The following TTLL6 variants were observed in gnomAD, a reference collection of about 807,000 sequenced individuals.
The protein encoded by TTLL6 is tubulin polyglutamylase TTLL6.
In TTLL6, 75 loss-of-function variants were observed where a neutral mutation model predicts 96.4. The observed-to-expected ratio is 0.78, with a 90% CI of 0.65 to 0.94. TTLL6 has a LOEUF of 0.94. TTLL6 is among the 40% of genes least tolerant of loss of function. The pLI is 0.00. For synonymous variants in TTLL6, 411 were observed against 419.4 expected (o/e 0.98, Z 0.24); for missense variants, 1,030 against 1,093.0 (o/e 0.94, Z 0.81).
chr17:48,788,062 A>G, intron 10 of TTLL6, 63 bp from the exon 11 acceptor site: 1 of 1,536,912 alleles, frequency 6.5e-7, no homozygotes, highest in Non-Finnish European at 8.9e-7. Context: ...TGGAAGGGAT[A>G]TGTCCAAGCT....
rs891724379 is a variant in TTLL6, at chr17:48,768,751, A to G, written c.*238T>C. ...AGATGGGGTCTCCCTTATGTTGCCC[A>G]GGCTGGTCTCAAACTCCTGGGCACA... On this transcript the variant is annotated intron_variant, in intron 15 of 15. Coordinates refer to ENST00000393382, the MANE Select transcript of TTLL6 (RefSeq NM_001130918.3). Among the ~76,000 whole-genome samples the G allele has an allele frequency of 2.9e-4, 44 of 150,924 alleles. 1 individual carries two copies. Among genetic ancestry groups the G allele is most frequent in the Admixed American group, 1.2e-3 (18 of 15,150 alleles).
At chr17:48,783,053 C>T (rs1044261271) in intron 13 of TTLL6, among the ~76,000 whole-genome samples, 45 of 152,198 alleles carry the variant, frequency 3.0e-4, no homozygotes, top group African/African-American at 1.0e-3. Flanking sequence ...GACAGAATAG[C>T]ACAGAATAGA....
At chr17:48,769,341 C>T (rs545807618) in intron 14 of TTLL6, 87 bp from the exon 15 acceptor site, 2 of 1,460,020 alleles carry the variant, frequency 1.4e-6, no homozygotes, top group African/African-American at 1.4e-5. Flanking sequence ...CAGTAGGGTC[C>T]CATGGCCTGT....
intron 13 of TTLL6, among the ~76,000 whole-genome samples, chr17:48,770,776 G>A (rs2038726928): frequency 6.6e-6 from 1 of 151,764 alleles, no homozygotes; most frequent in Admixed American, 6.6e-5. Context: ...GCCTCCCAAA[G>A]TGCTGGGATT....
chr17:48,810,986 C>T (rs1223890600), intron 1 of TTLL6, among the ~76,000 whole-genome samples: 10 of 149,736 alleles, frequency 6.7e-5, no homozygotes, highest in Admixed American at 6.7e-4. Flanking sequence ...AGACATTTCC[C>T]AGTCTGCCCC....
At chr17:48,789,900 A>C in intron 10 of TTLL6, 31 bp downstream of exon 10, 1 of 1,607,810 alleles carries the variant, frequency 6.2e-7, no homozygotes, top group Non-Finnish European at 8.5e-7. Flanking sequence ...TCAGAGAGAG[A>C]GCCCCGCAAG....
At chr17:48,770,196 T>C in intron 13 of TTLL6, 99 bp from the exon 14 acceptor site, 1 of 1,459,826 alleles carries the variant, frequency 6.9e-7, no homozygotes, top group Non-Finnish European at 9.1e-7. Flanking sequence ...AAGGTCTTGC[T>C]ATGCTGCCCA....
rs764715428 is a variant in TTLL6 at position 48,786,207 on chromosome 17, T to G, written c.1718A>C (p.Lys573Thr). The G allele has an allele frequency of 1.5e-5, 24 of 1,614,078 alleles. No individual in the cohort carries two copies. ...GGCGGCCTTGTCTTTCTGCTGTTGT[T>G]TCTGTTGCCAGCCCCTCATGCCCTT... ...RKKGMRGWQQKQQQKDKAATQ... is the reference protein window; with the variant it reads ...RKKGMRGWQQTQQQKDKAATQ... The change falls in exon 12 of 16, where the codon AAA becomes ACA. Residue 573 changes from lysine to threonine, a missense_variant. Transcript: ENST00000393382.
In TTLL6 at chr17:48,785,860, C is replaced by G. The variant is rs146427859; in HGVS notation, c.1761+304G>C. 4.3e-4 allele frequency among the ~76,000 whole-genome samples: 65 copies of G among 152,260 alleles called. 1 individual carries two copies. In the East Asian group the frequency reaches 0.012, roughly 28 times the overall value. On this transcript the variant is annotated intron_variant, in intron 12 of 15. Transcript: ENST00000393382. ...CAGGAGTACATGCACTCCTGAAGCC[C>G]GCTCCCTAAATAAGGTTCATGCTCA... is the stretch of plus-strand genomic sequence containing the variant.
At chr17:48,793,680 C>T (rs1007092164) in intron 8 of TTLL6, among the ~76,000 whole-genome samples, 5 of 152,042 alleles carry the variant, frequency 3.3e-5, no homozygotes, top group Admixed American at 2.0e-4. Context: ...GGCACCAACT[C>T]GGGGGTCAGG....
chr17:48,777,332 C>T (rs1397250089), intron 13 of TTLL6, among the ~76,000 whole-genome samples: 1 of 152,172 alleles, frequency 6.6e-6, no homozygotes, highest in Non-Finnish European at 1.5e-5. Context: ...CAGTGGTTCA[C>T]GCCTGTAATC....
At chr17:48,795,694 G>C (rs993741030) in intron 8 of TTLL6, among the ~76,000 whole-genome samples, 2 of 152,162 alleles carry the variant, frequency 1.3e-5, no homozygotes, top group Non-Finnish European at 1.5e-5. Flanking sequence ...TGACTGCCTG[G>C]CAAGTCCTTC....
intron 13 of TTLL6, among the ~76,000 whole-genome samples, chr17:48,782,346 G>A (rs2039005365): frequency 1.3e-5 from 2 of 152,078 alleles, no homozygotes; most frequent in South Asian, 4.1e-4. Context: ...GTAGAATTGG[G>A]GTTTCACCAC....
rs779725957 is a variant in TTLL6, at chr17:48,769,853, A to G, written c.2285T>C (p.Leu762Ser). 7 of 1,614,116 alleles carry G rather than the reference A, an allele frequency of 4.3e-6. No homozygotes were observed. In the East Asian group the frequency reaches 1.6e-4, roughly 36 times the overall value. ...TGGCTTGTTCATGTCACTCTTTAGCAAAGTCCAGTTTGTGTTCGGACTCTC... is the reference window on the plus strand; with the variant it reads ...TGGCTTGTTCATGTCACTCTTTAGCGAAGTCCAGTTTGTGTTCGGACTCTC... ...FWESPNTNWTLLKSDMNKPHL... is the reference protein window; with the variant it reads ...FWESPNTNWTSLKSDMNKPHL... The change falls in exon 14 of 16, where the codon TTG becomes TCG. Residue 762 changes from leucine (L) to serine (S), a missense_variant. Physicochemically the swap from Leu to Ser is moderately radical, Grantham distance 145 (BLOSUM62 -2). Transcript: ENST00000393382.
In TTLL6 at chr17:48,784,919, T is replaced by C; in HGVS notation, c.2040+4A>G. 2 of 1,612,888 alleles carry C rather than the reference T, an allele frequency of 1.2e-6. No homozygotes were observed. The highest frequency in any genetic ancestry group is 1.7e-6 in the Non-Finnish European group (2 of 1,179,436). ...TCCCTCCCAGAGCTCGGCTCACTAC[T>C]TACCACAGTGCCAGTGAATACGTTC... On this transcript the variant is annotated splice_donor_region_variant and intron_variant, in intron 13 of 15. Coordinates refer to ENST00000393382, the MANE Select transcript of TTLL6 (RefSeq NM_001130918.3).
At chr17:48,785,546 C>A (rs916113787) in intron 12 of TTLL6, among the ~76,000 whole-genome samples, 2 of 152,136 alleles carry the variant, frequency 1.3e-5, no homozygotes, top group African/African-American at 4.8e-5. Flanking sequence ...TCCAGGTGAG[C>A]CTTTGAGACA....
At chr17:48,780,212 C>T (rs2038959330) in intron 13 of TTLL6, among the ~76,000 whole-genome samples, 1 of 152,054 alleles carries the variant, frequency 6.6e-6, no homozygotes. Flanking sequence ...ATGGTGCAAT[C>T]TCGGCTCACT....
intron 15 of TTLL6, 108 bp downstream of exon 15, chr17:48,768,881 T>C: frequency 3.4e-6 from 4 of 1,179,532 alleles, no homozygotes; most frequent in Non-Finnish European, 4.9e-6. Flanking sequence ...TCTACTTACC[T>C]GTATGTCTTT....
At chr17:48,815,040 A>G (rs568939660) in intron 1 of TTLL6, among the ~76,000 whole-genome samples, 1 of 152,308 alleles carries the variant, frequency 6.6e-6, no homozygotes, top group Admixed American at 6.5e-5. Context: ...AGCCTCCCAA[A>G]GTGCTGGGAT....
Sources: allele counts gnomAD v4.1 joint callset (sites outside exome capture counted in the v4.1 genomes callset), GRCh38; gene constraint gnomAD v4.1.1; transcripts MANE v1.5; gene names NCBI Gene and HGNC (gene_info 2026-07-23, HGNC 2026-07-21).